KIAA1328: variants seen among roughly 807,000 people sequenced by gnomAD.
The protein encoded by KIAA1328 is KIAA1328.
A neutral mutation model predicts 68.1 loss-of-function variants in KIAA1328; 52 were observed. The ratio of observed to expected loss-of-function variants is 0.76; its 90% confidence interval spans 0.61 to 0.96. The LOEUF is 0.96. Ranked by LOEUF, KIAA1328 falls within the 40% of genes least tolerant of loss-of-function variation. The pLI is 0.00. For missense variants in KIAA1328, 641 were observed against 677.6 expected, an observed-to-expected ratio of 0.95 and a Z score of 0.60; for synonymous variants, 232 against 239.4, an observed-to-expected ratio of 0.97 and a Z score of 0.28.
chr18:37,069,201 A>AT (rs2056446086), intron 7 of KIAA1328, among the ~76,000 whole-genome samples: 4 of 151,378 alleles, frequency 2.6e-5, no homozygotes, highest in Admixed American at 1.3e-4. Context: ...ATAATGTATG[A>AT]TTTTTTAAAA....
At chr18:36,980,040 A>G (rs2052622314) in intron 6 of KIAA1328, among the ~76,000 whole-genome samples, 1 of 152,196 alleles carries the variant, frequency 6.6e-6, no homozygotes, top group Non-Finnish European at 1.5e-5. Flanking sequence ...GCCTTCTGCC[A>G]TGTGATGACA....
intron 6 of KIAA1328, among the ~76,000 whole-genome samples, chr18:37,010,180 C>T (rs1361303397): frequency 3.3e-5 from 5 of 152,064 alleles, no homozygotes; most frequent in Non-Finnish European, 5.9e-5. Flanking sequence ...CACAATGGCT[C>T]ACCCCTGTAA....
chr18:36,883,619 G>A (rs1200757321), intron 4 of KIAA1328, among the ~76,000 whole-genome samples: 1 of 152,034 alleles, frequency 6.6e-6, no homozygotes, highest in Non-Finnish European at 1.5e-5. Flanking sequence ...ATACCCATAG[G>A]GTAATGTCGA....
intron 3 of KIAA1328, among the ~76,000 whole-genome samples, chr18:36,837,308 T>C (rs1260400756): frequency 1.3e-5 from 2 of 152,186 alleles, no homozygotes; most frequent in Non-Finnish European, 2.9e-5. Flanking sequence ...AAGTGGTAAT[T>C]CAATGTGATT....
At chr18:36,857,672 T>A (rs574643851) in intron 4 of KIAA1328, among the ~76,000 whole-genome samples, 1 of 152,220 alleles carries the variant, frequency 6.6e-6, no homozygotes, top group South Asian at 2.1e-4. Flanking sequence ...CTTTCAGAGT[T>A]CTGAAAAAGT....
rs187161079 is a variant in KIAA1328, at chr18:37,121,241, T to G, written c.1233-38959T>G. On this transcript the variant is annotated intron_variant, in intron 7 of 9. Coordinates refer to ENST00000280020, the MANE Select transcript of KIAA1328 (RefSeq NM_020776.3). ...AGCATTATGTATATATCCAACCATT[T>G]GAAAAACACGAAAACGGCAAAGAAA... 2.4e-3 allele frequency among the ~76,000 whole-genome samples: 373 copies of G among 152,252 alleles called. 1 individual carries two copies. Among genetic ancestry groups the G allele is most frequent in the Non-Finnish European group, 4.0e-3 (272 of 67,972 alleles).
intron 7 of KIAA1328, among the ~76,000 whole-genome samples, chr18:37,079,602 G>C (rs1254025397): frequency 6.6e-6 from 1 of 151,880 alleles, no homozygotes; most frequent in East Asian, 1.9e-4. Context: ...ATATGTAAAA[G>C]TTCAGGCCAG....
At chr18:37,152,068 A>G (rs1332900483) in intron 7 of KIAA1328, among the ~76,000 whole-genome samples, 4 of 148,390 alleles carry the variant, frequency 2.7e-5, no homozygotes, top group Admixed American at 1.3e-4. Context: ...TTCAGTCCTC[A>G]TAGGTTCTTA....
intron 5 of KIAA1328, among the ~76,000 whole-genome samples, chr18:36,956,184 G>A (rs1039971417): frequency 9.9e-5 from 15 of 152,128 alleles, no homozygotes; most frequent in African/African-American, 3.6e-4. Context: ...GTGATAGTTA[G>A]GTTTTGATGT....
chr18:36,971,555 G>A (rs1347164552), intron 6 of KIAA1328, among the ~76,000 whole-genome samples: 1 of 152,146 alleles, frequency 6.6e-6, no homozygotes, highest in African/African-American at 2.4e-5. Flanking sequence ...CTTGAACCCA[G>A]GAGGCAGAGG....
intron 9 of KIAA1328, among the ~76,000 whole-genome samples, chr18:37,191,903 C>T (rs1189968382): frequency 6.6e-6 from 1 of 152,108 alleles, no homozygotes; most frequent in Non-Finnish European, 1.5e-5. Flanking sequence ...CCTTTGGCAC[C>T]CTCTGTCAGC....
At chr18:37,145,061 C>A (rs1025060552) in intron 7 of KIAA1328, among the ~76,000 whole-genome samples, 3 of 151,862 alleles carry the variant, frequency 2.0e-5, no homozygotes, top group African/African-American at 7.3e-5. Context: ...GTGGTGAAAA[C>A]CCATCTCTAC....
At chr18:36,844,169 G>C in intron 3 of KIAA1328, 39 bp from the exon 4 acceptor site, 1 of 1,374,614 alleles carries the variant, frequency 7.3e-7, no homozygotes, top group Non-Finnish European at 1.0e-6. Context: ...TTTAAAAATT[G>C]GTTTTAGAAA....
intron 5 of KIAA1328, among the ~76,000 whole-genome samples, chr18:36,889,246 G>C (rs1423665475): frequency 6.6e-6 from 1 of 152,142 alleles, no homozygotes; most frequent in Non-Finnish European, 1.5e-5. Context: ...AACTTAGTAG[G>C]TTTTTGCTTG....
At chr18:36,961,911 T>G (rs1458949317) in intron 6 of KIAA1328, among the ~76,000 whole-genome samples, 1 of 152,194 alleles carries the variant, frequency 6.6e-6, no homozygotes, top group Non-Finnish European at 1.5e-5. Flanking sequence ...CATCAATTAT[T>G]GGGAAAAATA....
intron 6 of KIAA1328, among the ~76,000 whole-genome samples, chr18:37,021,369 G>A (rs1180979441): frequency 2.6e-5 from 4 of 152,078 alleles, no homozygotes; most frequent in Admixed American, 1.3e-4. Context: ...TATTCTGTTC[G>A]ATATTATGTT....
chr18:37,072,101 A>AT (rs2056555225), intron 7 of KIAA1328, among the ~76,000 whole-genome samples: 2 of 152,070 alleles, frequency 1.3e-5, no homozygotes, highest in East Asian at 3.9e-4. Flanking sequence ...CTGTGTTTCT[A>AT]TTTTTTTCTA....
At chr18:36,892,120 C>A (rs72887031) in intron 5 of KIAA1328, among the ~76,000 whole-genome samples, 20,691 of 151,788 alleles carry the variant, frequency 0.14, 1,749 homozygotes, top group Admixed American at 0.18. Flanking sequence ...TGATTTGTCA[C>A]CATCATCTGT....
intron 4 of KIAA1328, among the ~76,000 whole-genome samples, chr18:36,882,744 T>C (rs2048364510): frequency 6.6e-6 from 1 of 152,192 alleles, no homozygotes; most frequent in Non-Finnish European, 1.5e-5. Flanking sequence ...GAATACATTT[T>C]GGGAAAAGCT....
Sources: gnomAD v4.1 joint callset for allele counts (sites outside exome capture counted in the v4.1 genomes callset) on GRCh38, gnomAD v4.1.1 for gene constraint, MANE v1.5 for transcripts, NCBI Gene and HGNC (gene_info 2026-07-23, HGNC 2026-07-21) for gene names.